AGMO: variants seen among roughly 807,000 people sequenced by gnomAD.
The protein encoded by AGMO is glyceryl-ether monooxygenase.
A neutral mutation model predicts 60.2 loss-of-function variants in AGMO; 75 were observed. The observed-to-expected ratio is 1.25, with a 90% CI of 1.03 to 1.51. The LOEUF (loss-of-function observed/expected upper bound fraction) is 1.51. AGMO is among the 40% of genes most tolerant of loss of function. The pLI is 0.00. For missense variants in AGMO, 763 were observed against 525.5 expected (o/e 1.45, Z -4.42); for synonymous variants, 261 against 177.1 (o/e 1.47, Z -3.76).
At chr7:15,429,097 T>C (rs952233984) in intron 4 of AGMO, among the ~76,000 whole-genome samples, 9 of 152,082 alleles carry the variant, frequency 5.9e-5, no homozygotes, top group South Asian at 2.1e-4. Context: ...TTTTTGTTTG[T>C]ACTTAATCAT....
intron 12 of AGMO, among the ~76,000 whole-genome samples, chr7:15,298,639 C>A (rs1409853876): frequency 1.3e-5 from 2 of 152,038 alleles, no homozygotes; most frequent in Non-Finnish European, 2.9e-5. Context: ...TGGGCTTCAA[C>A]AATTCACCAG....
At chr7:15,280,117 G>A (rs1488935743) in intron 12 of AGMO, among the ~76,000 whole-genome samples, 1 of 152,138 alleles carries the variant, frequency 6.6e-6, no homozygotes, top group Admixed American at 6.5e-5. Context: ...CAGAAATTGG[G>A]CACCCCAGGT....
intron 12 of AGMO, among the ~76,000 whole-genome samples, chr7:15,221,511 A>G (rs1781921727): frequency 6.6e-6 from 1 of 152,122 alleles, no homozygotes; most frequent in Non-Finnish European, 1.5e-5. Flanking sequence ...CTATAGACGT[A>G]ATCCCCTTTC....
the AGMO span, among the ~76,000 whole-genome samples, chr7:15,170,744 T>C: frequency 6.6e-5 from 10 of 152,284 alleles, no homozygotes; most frequent in African/African-American, 2.4e-4. Flanking sequence ...CCTTAGTTTT[T>C]TCCTCAGGTC....
intron 3 of AGMO, among the ~76,000 whole-genome samples, chr7:15,511,270 C>A (rs537088203): frequency 1.3e-5 from 2 of 152,176 alleles, no homozygotes; most frequent in South Asian, 4.2e-4. Flanking sequence ...ACCTAATGAG[C>A]ACATCTTTTA....
At chr7:15,364,712 G>C (rs994515075) in intron 12 of AGMO, among the ~76,000 whole-genome samples, 1 of 152,042 alleles carries the variant, frequency 6.6e-6, no homozygotes, top group Non-Finnish European at 1.5e-5. Flanking sequence ...CTCCAAAGGA[G>C]TTGTTTCAAT....
intron 3 of AGMO, among the ~76,000 whole-genome samples, chr7:15,533,391 C>G (rs953634858): frequency 6.6e-6 from 1 of 151,964 alleles, no homozygotes; most frequent in African/African-American, 2.4e-5. Flanking sequence ...ATATAGTTAT[C>G]TGGTTTTATT....
At chr7:15,193,271 T>C in the AGMO span, among the ~76,000 whole-genome samples, 1 of 152,170 alleles carries the variant, frequency 6.6e-6, no homozygotes, top group Non-Finnish European at 1.5e-5. Flanking sequence ...TATTAAGTGA[T>C]ATAATTAACT....
At chr7:15,425,455 A>G (rs1781033774) in intron 4 of AGMO, among the ~76,000 whole-genome samples, 1 of 150,174 alleles carries the variant, frequency 6.7e-6, no homozygotes, top group African/African-American at 2.4e-5. Flanking sequence ...TTTTTTGAGA[A>G]AGAGGGTCTT....
chr7:15,533,512 A>G lies in AGMO; in HGVS notation c.409+11260T>C, dbSNP rs1045467344. ...CACTGCCTCCACTCAAATATCCTCT[A>G]CTCAACCTCATTTACATTCTTTGTT... On this transcript the variant is annotated intron_variant, in intron 3 of 12. Transcript: ENST00000342526. Among the ~76,000 whole-genome samples, 12 of 152,130 alleles carry G rather than the reference A, an allele frequency of 7.9e-5. No homozygotes were observed. The South Asian group carries it at 1.5e-3, about 18-fold the overall frequency.
the AGMO span, among the ~76,000 whole-genome samples, chr7:15,190,526 A>G: frequency 2.0e-5 from 3 of 152,110 alleles, no homozygotes; most frequent in Non-Finnish European, 4.4e-5. Context: ...AATAGGCATT[A>G]GAAAGGGCAG....
chr7:15,346,840 T>C (rs944896236), intron 12 of AGMO, among the ~76,000 whole-genome samples: 1 of 145,566 alleles, frequency 6.9e-6, no homozygotes, highest in Admixed American at 6.8e-5. Context: ...AATTAGAACT[T>C]GTTTAAATTA....
chr7:15,492,358 G>GAAA (rs67387904), intron 3 of AGMO, among the ~76,000 whole-genome samples: 4 of 116,712 alleles, frequency 3.4e-5, no homozygotes, highest in Non-Finnish European at 5.4e-5. Flanking sequence ...GGCCCAATAC[G>GAAA]AAAAAAAAAA....
intron 12 of AGMO, among the ~76,000 whole-genome samples, chr7:15,323,572 G>A (rs182205011): frequency 2.1e-3 from 315 of 152,180 alleles, no homozygotes; most frequent in African/African-American, 7.0e-3. Flanking sequence ...ATTTTATCTA[G>A]GTAGGTCACT....
chr7:15,244,965 T>G (rs1004659897), intron 12 of AGMO, among the ~76,000 whole-genome samples: 1 of 152,114 alleles, frequency 6.6e-6, no homozygotes, highest in Admixed American at 6.5e-5. Flanking sequence ...ATTTACTCAT[T>G]CTTAAAGAGA....
intron 12 of AGMO, among the ~76,000 whole-genome samples, chr7:15,294,863 A>C (rs550011883): frequency 3.2e-4 from 48 of 152,068 alleles, no homozygotes; most frequent in African/African-American, 1.0e-3. Flanking sequence ...TGCAACTGAA[A>C]AGTCATGAAA....
At chr7:15,359,147 G>A (rs897010010) in intron 12 of AGMO, among the ~76,000 whole-genome samples, 9 of 151,836 alleles carry the variant, frequency 5.9e-5, no homozygotes, top group African/African-American at 4.8e-5. Context: ...AAATTAGCTG[G>A]GCATGGTGGC....
chr7:15,177,962 C>A, the AGMO span, among the ~76,000 whole-genome samples: 1 of 152,088 alleles, frequency 6.6e-6, no homozygotes, highest in South Asian at 2.1e-4. Flanking sequence ...AATCGATTTT[C>A]ATTATATATC....
At chr7:15,182,372 C>G in the AGMO span, among the ~76,000 whole-genome samples, 1 of 151,996 alleles carries the variant, frequency 6.6e-6, no homozygotes, top group African/African-American at 2.4e-5. Flanking sequence ...TATATTGTAC[C>G]ACGATAAAAA....
Sources: allele counts gnomAD v4.1 joint callset (sites outside exome capture counted in the v4.1 genomes callset), GRCh38; gene constraint gnomAD v4.1.1; transcripts MANE v1.5; gene names NCBI Gene and HGNC (gene_info 2026-07-23, HGNC 2026-07-21).